Variants in TYW1B observed in about 807,000 individuals in gnomAD.
TYW1B encodes the protein S-adenosyl-L-methionine-dependent tRNA 4-demethylwyosine synthase TYW1B.
TYW1B carries 73 observed loss-of-function variants against 86.9 expected under a neutral mutation model. The ratio of observed to expected loss-of-function variants is 0.84; its 90% CI spans 0.70 to 1.02. The LOEUF (loss-of-function observed/expected upper bound fraction) is 1.02, where lower values mean the gene tolerates loss of function less well. TYW1B is among the 50% of genes least tolerant of loss of function. TYW1B has a pLI of 0.00. For synonymous variants in TYW1B, 248 were observed against 292.8 expected (o/e 0.85, Z 1.56); for missense variants, 637 against 827.4 (o/e 0.77, Z 2.82).
At chr7:72,583,413 T>C (rs1811204194) in intron 13 of TYW1B, among the ~76,000 whole-genome samples, 1 of 152,066 alleles carries the variant, frequency 6.6e-6, no homozygotes, top group Non-Finnish European at 1.5e-5. Context: ...GCAATATAAG[T>C]ATGCTATTTA....
At position 72,773,957 on chromosome 7, in the gene TYW1B, C is replaced by T. The variant is rs145200746; in HGVS notation, c.964+3459G>A. Among the ~76,000 whole-genome samples the T allele has an allele frequency of 5.1e-3, 770 of 149,884 alleles. 9 individuals are homozygous for T. Among genetic ancestry groups the T allele is most frequent in the African/African-American group, 0.018 (728 of 40,876 alleles). On this transcript the variant is annotated intron_variant, in intron 7 of 13. Coordinates refer to ENST00000620995, the MANE Select transcript of TYW1B (RefSeq NM_001145440.3). Reference sequence around the variant, plus strand: ...GCGCATGCGTGTAATCCCAGCTACTCGGGAGGCTGAGGCAGGAGAATCACT... The same window carrying T: ...GCGCATGCGTGTAATCCCAGCTACTTGGGAGGCTGAGGCAGGAGAATCACT...
chr7:72,755,371 A>T (rs1787568383), intron 7 of TYW1B, among the ~76,000 whole-genome samples: 1 of 152,180 alleles, frequency 6.6e-6, no homozygotes, highest in Non-Finnish European at 1.5e-5. Context: ...GTGAGCCATG[A>T]CTGCATTACT....
chr7:72,713,300 C>CAAAAAAAAAAAA (rs71069102), intron 10 of TYW1B, among the ~76,000 whole-genome samples: 1 of 55,836 alleles, frequency 1.8e-5, no homozygotes, highest in Non-Finnish European at 3.1e-5. Context: ...GACTCCAACT[C>CAAAAAAAAAAAA]AAAAAAAAAA....
intron 2 of TYW1B, among the ~76,000 whole-genome samples, chr7:72,816,872 A>G (rs1466779339): frequency 6.6e-6 from 1 of 152,108 alleles, no homozygotes; most frequent in Admixed American, 6.6e-5. Flanking sequence ...CCACCCCTCC[A>G]TAGCTGGCCC....
At chr7:72,618,227 A>ATTTTTTTTTTTTTTTT (rs869158136) in intron 12 of TYW1B, among the ~76,000 whole-genome samples, 2 of 103,938 alleles carry the variant, frequency 1.9e-5, no homozygotes, top group Non-Finnish European at 1.8e-5. Flanking sequence ...ATGACACTGA[A>ATTTTTTTTTTTTTTTT]TTTTTTTTTT....
intron 13 of TYW1B, among the ~76,000 whole-genome samples, chr7:72,593,515 G>A (rs1335171977): frequency 6.6e-6 from 1 of 151,802 alleles, no homozygotes; most frequent in African/African-American, 2.4e-5. Flanking sequence ...AAGAACAATG[G>A]GATGAAGTTA....
At chr7:72,798,031 ACACACACG>A (rs1316802096) in intron 6 of TYW1B, among the ~76,000 whole-genome samples, 3 of 107,036 alleles carry the variant, frequency 2.8e-5, no homozygotes, top group African/African-American at 9.6e-5. Flanking sequence ...ACACACACAC[ACACACACG>A]CACACACATA....
chr7:72,582,946 C>CA (rs1302014064), intron 13 of TYW1B, among the ~76,000 whole-genome samples: 30 of 151,448 alleles, frequency 2.0e-4, no homozygotes, highest in Non-Finnish European at 3.7e-4. Flanking sequence ...TATAATAATG[C>CA]AAAAAAAATC....
At position 72,810,453 on chromosome 7, in the gene TYW1B, A is replaced by G. The variant is rs1788586489; in HGVS notation, c.432+18T>C. 1 of 1,592,670 alleles carries G rather than the reference A, an allele frequency of 6.3e-7. No individual in the cohort carries two copies. The highest frequency in any genetic ancestry group is 1.3e-5 in the African/African-American group (1 of 74,420). On this transcript the variant is annotated intron_variant, in intron 4 of 13. Transcript: ENST00000620995. The stretch of plus-strand genomic sequence containing the variant: ...GTTTATGGGGAGAATTTATTCCTAT[A>G]ATTCAATATAGACCTACCTTGTTGA...
At chr7:72,575,950 G>C (rs1455188843) in intron 13 of TYW1B, among the ~76,000 whole-genome samples, 1 of 152,158 alleles carries the variant, frequency 6.6e-6, no homozygotes, top group Admixed American at 6.6e-5. Context: ...CTGCAGTTTT[G>C]CTGGGCCCGG....
At chr7:72,622,741 AAC>A (rs1260218987) in intron 12 of TYW1B, among the ~76,000 whole-genome samples, 3 of 151,378 alleles carry the variant, frequency 2.0e-5, no homozygotes, top group African/African-American at 7.3e-5. Context: ...GCACACATAC[AAC>A]ACACACAAGT....
intron 10 of TYW1B, among the ~76,000 whole-genome samples, chr7:72,710,070 C>T (rs1282164303): frequency 1.3e-5 from 2 of 152,148 alleles, no homozygotes; most frequent in African/African-American, 4.8e-5. Flanking sequence ...TGGACGTTTT[C>T]GGGTAAATAT....
At chr7:72,601,357 A>G (rs1811661339) in intron 13 of TYW1B, among the ~76,000 whole-genome samples, 1 of 152,018 alleles carries the variant, frequency 6.6e-6, no homozygotes, top group Admixed American at 6.6e-5. Context: ...AAAAAACAAA[A>G]AAAACCTGAT....
At chr7:72,808,440 A>C (rs1194947122) in intron 4 of TYW1B, among the ~76,000 whole-genome samples, 1 of 152,164 alleles carries the variant, frequency 6.6e-6, no homozygotes, top group Admixed American at 6.6e-5. Context: ...ACCCTGTCTC[A>C]AAAAACACAT....
chr7:72,633,806 T>C, intron 11 of TYW1B, among the ~76,000 whole-genome samples: 1 of 152,102 alleles, frequency 6.6e-6, no homozygotes, highest in Non-Finnish European at 1.5e-5. Context: ...ATTCAACCAT[T>C]CCCTAAACAT....
chr7:72,743,297 G>A (rs530746201), intron 8 of TYW1B, among the ~76,000 whole-genome samples: 4 of 152,268 alleles, frequency 2.6e-5, no homozygotes, highest in African/African-American at 4.8e-5. Flanking sequence ...AGGGGAAACT[G>A]AAAAGAAACT....
chr7:72,731,393 C>CAAAAAAAAAAAAAAAAAAAAAAA (rs59262388), intron 8 of TYW1B, among the ~76,000 whole-genome samples: 7 of 33,058 alleles, frequency 2.1e-4, no homozygotes, highest in Non-Finnish European at 3.1e-4. Context: ...TACCAAACTG[C>CAAAAAAAAAAAAAAAAAAAAAAA]AAAAAAAAAA....
At chr7:72,780,549 C>A (rs1300621213) in intron 6 of TYW1B, among the ~76,000 whole-genome samples, 1 of 152,180 alleles carries the variant, frequency 6.6e-6, no homozygotes, top group Non-Finnish European at 1.5e-5. Flanking sequence ...TCCACAGACA[C>A]CCTCTTGGGG....
chr7:72,785,260 T>G (rs1428665447), intron 6 of TYW1B, among the ~76,000 whole-genome samples: 2 of 149,934 alleles, frequency 1.3e-5, no homozygotes, highest in Non-Finnish European at 3.0e-5. Context: ...CATATTCTTA[T>G]ATAAGTTAAT....
Sources: allele counts gnomAD v4.1 joint callset (sites outside exome capture counted in the v4.1 genomes callset), GRCh38; gene constraint gnomAD v4.1.1; transcripts MANE v1.5; gene names NCBI Gene and HGNC (gene_info 2026-07-23, HGNC 2026-07-21).